SLC25A26: variants seen among roughly 807,000 people sequenced by gnomAD.
SLC25A26 encodes solute carrier family 25 member 26, also known as mitochondrial S-adenosylmethionine carrier protein.
A neutral mutation model predicts 37.8 loss-of-function variants in SLC25A26; 36 were observed. The observed-to-expected ratio is 0.95, with a 90% CI of 0.73 to 1.26. The LOEUF (loss-of-function observed/expected upper bound fraction) is 1.26. Ranked by LOEUF, SLC25A26 falls within the 50% of genes most tolerant of loss-of-function variation. The pLI is 0.00. For missense variants in SLC25A26, 390 were observed against 331.1 expected, an observed-to-expected ratio of 1.18 and a Z score of -1.38; for synonymous variants, 129 against 122.5, an observed-to-expected ratio of 1.05 and a Z score of -0.35.
chr3:66,360,758 G>C (rs2076687642), intron 6 of SLC25A26, among the ~76,000 whole-genome samples: 1 of 152,192 alleles, frequency 6.6e-6, no homozygotes, highest in Admixed American at 6.5e-5. Flanking sequence ...ACAAAAGAAG[G>C]CCTTAGTCAA....
At chr3:66,324,896 A>C (rs976352713) in intron 5 of SLC25A26, among the ~76,000 whole-genome samples, 1 of 152,022 alleles carries the variant, frequency 6.6e-6, no homozygotes, top group African/African-American at 2.4e-5. Context: ...TTGGGGGCCT[A>C]CAAATTATAG....
intron 2 of SLC25A26, among the ~76,000 whole-genome samples, chr3:66,237,567 C>G (rs1454558309): frequency 6.6e-6 from 1 of 152,212 alleles, no homozygotes; most frequent in African/African-American, 2.4e-5. Context: ...CTAATGTTCT[C>G]CTGGATACTG....
chr3:66,147,145 G>A (rs568730728), intron 1 of SLC25A26, among the ~76,000 whole-genome samples: 1 of 80,988 alleles, frequency 1.2e-5, no homozygotes, highest in African/African-American at 5.2e-5. Context: ...TGCCCTCCCC[G>A]TCCCTCTTTT....
intron 1 of SLC25A26, among the ~76,000 whole-genome samples, chr3:66,148,586 T>C (rs62246866): frequency 0.36 from 55,177 of 152,088 alleles, 10,130 homozygotes; most frequent in African/African-American, 0.41. Context: ...ACAATGAATG[T>C]GTTGGATAAA....
intron 1 of SLC25A26, among the ~76,000 whole-genome samples, chr3:66,211,688 T>C (rs1001912995): frequency 2.3e-4 from 35 of 152,324 alleles, no homozygotes; most frequent in African/African-American, 8.4e-4. Context: ...ACATTGCATA[T>C]GTCAGCTTTT....
intron 1 of SLC25A26, among the ~76,000 whole-genome samples, chr3:66,190,327 A>T (rs1007927456): frequency 6.6e-6 from 1 of 150,872 alleles, no homozygotes; most frequent in Non-Finnish European, 1.5e-5. Flanking sequence ...AAAAAAAAAG[A>T]AAAAAAGAAA....
chr3:66,269,981 A>T (rs1559638225), intron 5 of SLC25A26, among the ~76,000 whole-genome samples: 1 of 152,156 alleles, frequency 6.6e-6, no homozygotes, highest in Non-Finnish European at 1.5e-5. Flanking sequence ...CACTCAGTGA[A>T]TACTTGTCGT....
chr3:66,203,701 G>T (rs2071137915), intron 1 of SLC25A26, among the ~76,000 whole-genome samples: 1 of 152,164 alleles, frequency 6.6e-6, no homozygotes, highest in Non-Finnish European at 1.5e-5. Flanking sequence ...CTTTAAAGAT[G>T]CTAATTATTT....
chr3:66,266,425 C>T (rs924967842), intron 5 of SLC25A26, among the ~76,000 whole-genome samples: 2 of 152,096 alleles, frequency 1.3e-5, no homozygotes, highest in South Asian at 2.1e-4. Flanking sequence ...GTGAGAATCA[C>T]CTGGAAACGT....
At chr3:66,193,864 T>G (rs886461420) in intron 1 of SLC25A26, among the ~76,000 whole-genome samples, 7 of 152,276 alleles carry the variant, frequency 4.6e-5, no homozygotes, top group African/African-American at 1.7e-4. Flanking sequence ...AGAAAAGTCT[T>G]GGAGAAATTC....
intron 2 of SLC25A26, among the ~76,000 whole-genome samples, chr3:66,241,690 G>T (rs1350292497): frequency 1.3e-5 from 2 of 152,156 alleles, no homozygotes; most frequent in Non-Finnish European, 2.9e-5. Context: ...GGACTTTTGT[G>T]TGTGGTGTCT....
intron 1 of SLC25A26, among the ~76,000 whole-genome samples, chr3:66,209,087 G>GGTATAT (rs1355017192): frequency 1.3e-4 from 5 of 39,992 alleles, no homozygotes; most frequent in African/African-American, 3.6e-4. Context: ...CCCATATAAA[G>GGTATAT]ATGTATATAT....
At chr3:66,147,396 C>T (rs2070136042) in intron 1 of SLC25A26, among the ~76,000 whole-genome samples, 1 of 151,648 alleles carries the variant, frequency 6.6e-6, no homozygotes. Flanking sequence ...CTCCTGGCTT[C>T]GAGTGATCCA....
At chr3:66,239,816 C>CTTTTTTTT (rs536690709) in intron 2 of SLC25A26, among the ~76,000 whole-genome samples, 47 of 110,012 alleles carry the variant, frequency 4.3e-4, no homozygotes, top group South Asian at 1.4e-3. Context: ...TCCTTTCTTT[C>CTTTTTTTT]TTTTTTTTTT....
At chr3:66,295,497 GT>G (rs1464419179) in intron 5 of SLC25A26, among the ~76,000 whole-genome samples, 1 of 151,572 alleles carries the variant, frequency 6.6e-6, no homozygotes, top group East Asian at 2.0e-4. Flanking sequence ...CGCCTCCCGG[GT>G]TCACGCCATT....
intron 5 of SLC25A26, among the ~76,000 whole-genome samples, chr3:66,314,475 C>G (rs2075474183): frequency 6.6e-6 from 1 of 152,054 alleles, no homozygotes; most frequent in South Asian, 2.1e-4. Context: ...CCGACTTGAT[C>G]ACGGTGGATA....
chr3:66,267,569 G>T (rs1223126400), intron 5 of SLC25A26, among the ~76,000 whole-genome samples: 3 of 152,176 alleles, frequency 2.0e-5, no homozygotes, highest in African/African-American at 7.2e-5. Flanking sequence ...AAACCTGAAG[G>T]TGAGAAGCTG....
At chr3:66,249,608 C>A (rs958730756) in intron 3 of SLC25A26, among the ~76,000 whole-genome samples, 1 of 152,220 alleles carries the variant, frequency 6.6e-6, no homozygotes, top group African/African-American at 2.4e-5. Context: ...GAAAGGTTGA[C>A]AACTTTTGAA....
chr3:66,303,705 T>TAACC (rs2075137946), intron 5 of SLC25A26, among the ~76,000 whole-genome samples: 2 of 152,166 alleles, frequency 1.3e-5, no homozygotes, highest in Non-Finnish European at 1.5e-5. Context: ...CTTTAGTGGT[T>TAACC]TAAGGTGACA....
Sources: allele counts gnomAD v4.1 joint callset (sites outside exome capture counted in the v4.1 genomes callset), GRCh38; gene constraint gnomAD v4.1.1; transcripts MANE v1.5; gene names NCBI Gene and HGNC (gene_info 2026-07-23, HGNC 2026-07-21).